TSGA10: variants seen among roughly 807,000 people sequenced by gnomAD.
TSGA10 encodes the protein testis-specific gene 10 protein.
In TSGA10, 43 loss-of-function variants were observed where a neutral mutation model predicts 96.6. That is an observed-to-expected ratio of 0.44 (90% CI 0.35 to 0.57). The LOEUF (loss-of-function observed/expected upper bound fraction) is 0.57, where lower values mean the gene tolerates loss of function less well. TSGA10 is among the 20% of genes least tolerant of loss of function. The pLI, the probability that TSGA10 is intolerant of heterozygous loss-of-function variation, is 0.01. For missense variants in TSGA10, 703 were observed against 834.4 expected, an observed-to-expected ratio of 0.84 and a Z score of 1.94; for synonymous variants, 229 against 269.9, an observed-to-expected ratio of 0.85 and a Z score of 1.48.
chr2:99,131,615 T>C (rs1311727293), intron 1 of TSGA10, among the ~76,000 whole-genome samples: 1 of 152,198 alleles, frequency 6.6e-6, no homozygotes, highest in Non-Finnish European at 1.5e-5. Context: ...CCTTATTTCT[T>C]TCTCTTGCCT....
chr2:99,116,453 A>C (rs999382686), intron 4 of TSGA10, among the ~76,000 whole-genome samples: 10 of 152,080 alleles, frequency 6.6e-5, no homozygotes, highest in African/African-American at 2.4e-4. Context: ...CAATGAAAAC[A>C]AATAGTCCAG....
At chr2:99,141,730 A>G (rs1356049507) in intron 1 of TSGA10, 1 of 152,872 alleles carries the variant, frequency 6.5e-6, no homozygotes, top group African/African-American at 2.4e-5. Flanking sequence ...GCCTTCCCTC[A>G]GCTTGAAACA....
intron 20 of TSGA10, among the ~76,000 whole-genome samples, chr2:99,012,824 C>T (rs749368073): frequency 1.2e-4 from 18 of 152,218 alleles, no homozygotes; most frequent in South Asian, 2.1e-4. Flanking sequence ...CTAGAACAAA[C>T]GGACTTAACA....
In TSGA10 at chr2:99,019,942, C is replaced by A. The variant is rs181122583; in HGVS notation, c.1817+338G>T. Among the ~76,000 whole-genome samples the A allele has an allele frequency of 2.2e-3, 341 of 152,220 alleles. 1 individual carries two copies. The highest frequency in any genetic ancestry group is 7.2e-3 in the African/African-American group (301 of 41,542). On this transcript the variant is annotated intron_variant, in intron 18 of 20. Coordinates refer to ENST00000393483, the MANE Select transcript of TSGA10 (RefSeq NM_025244.4). ...AAATATGATGTGGCAAATGCAAACA[C>A]TAGGTTGCAATATATTGGTCTAAAT...
chr2:99,011,016 T>C (rs1412749906), intron 20 of TSGA10, among the ~76,000 whole-genome samples: 2 of 152,254 alleles, frequency 1.3e-5, no homozygotes, highest in South Asian at 2.1e-4. Flanking sequence ...CATAAGCCCA[T>C]TGGCCTGAGA....
chr2:99,059,795 T>G (rs1374889163), intron 16 of TSGA10, among the ~76,000 whole-genome samples: 1 of 151,038 alleles, frequency 6.6e-6, no homozygotes, highest in Non-Finnish European at 1.5e-5. Flanking sequence ...GCTCCTGTAT[T>G]CCCAGCTACT....
chr2:99,098,287 A>T (rs1236491839), intron 10 of TSGA10, among the ~76,000 whole-genome samples: 1 of 151,608 alleles, frequency 6.6e-6, no homozygotes, highest in Non-Finnish European at 1.5e-5. Context: ...AATACAAAAA[A>T]AATTAGCCAG....
intron 16 of TSGA10, among the ~76,000 whole-genome samples, chr2:99,040,468 T>G (rs558360756): frequency 6.6e-6 from 1 of 151,946 alleles, no homozygotes; most frequent in Non-Finnish European, 1.5e-5. Context: ...AGTGACCAAG[T>G]TGAGAATCAA....
chr2:99,125,198 C>T (rs938131188), intron 2 of TSGA10: 7 of 152,128 alleles, frequency 4.6e-5, no homozygotes, highest in East Asian at 1.9e-4. Flanking sequence ...TTCATGGCTA[C>T]GTAGCTCATT....
chr2:99,147,541 C>T (rs1208843837), intron 1 of TSGA10: 1 of 1,536,062 alleles, frequency 6.5e-7, no homozygotes, highest in African/African-American at 1.4e-5. Context: ...GGTTCCTCCT[C>T]AGTCCTTTTA....
chr2:99,002,322 G>A (rs927468010), intron 20 of TSGA10, among the ~76,000 whole-genome samples: 8 of 152,170 alleles, frequency 5.3e-5, no homozygotes, highest in African/African-American at 1.9e-4. Context: ...GACAGTGGGG[G>A]CCAATATTCA....
At chr2:99,113,697 C>T (rs139781095) in intron 4 of TSGA10, among the ~76,000 whole-genome samples, 1 of 152,158 alleles carries the variant, frequency 6.6e-6, no homozygotes, top group Non-Finnish European at 1.5e-5. Context: ...AGGTGCCCAC[C>T]ACCATGCCCA....
chr2:99,076,164 G>A (rs549161554), intron 12 of TSGA10, among the ~76,000 whole-genome samples: 1 of 152,234 alleles, frequency 6.6e-6, no homozygotes, highest in Admixed American at 6.5e-5. Context: ...TTCTAAGCCT[G>A]TTCTAGTTCC....
intron 16 of TSGA10, among the ~76,000 whole-genome samples, chr2:99,054,210 G>A (rs1447569960): frequency 2.0e-5 from 3 of 152,114 alleles, no homozygotes; most frequent in African/African-American, 7.2e-5. Flanking sequence ...AGACAGCCCA[G>A]AAATAAATCC....
Position 99,109,001 on chromosome 2 carries a change from T to C in TSGA10, c.52-10A>G, listed in dbSNP as rs777381914. ...CATCACAGTTTGCACCCTATAATTATATAAGGAATTTGAAATCTTCTTTGA... is the reference window on the plus strand; with the variant it reads ...CATCACAGTTTGCACCCTATAATTACATAAGGAATTTGAAATCTTCTTTGA... On this transcript the variant is annotated splice_polypyrimidine_tract_variant and intron_variant, in intron 6 of 20. Transcript: ENST00000393483. 8 of 1,492,964 alleles carry C rather than the reference T, an allele frequency of 5.4e-6. No homozygotes were observed. The highest frequency in any genetic ancestry group is 1.3e-5 in the South Asian group (1 of 75,688). The allele number at this position is 1,492,964 out of a possible 1,614,324, so 92.5% of individuals were successfully genotyped here. A position where few individuals can be genotyped will look rare whatever the true frequency, so the allele number is the denominator to read the frequency against.
intron 20 of TSGA10, among the ~76,000 whole-genome samples, chr2:99,011,980 C>T (rs572446465): frequency 7.2e-5 from 11 of 152,306 alleles, no homozygotes; most frequent in African/African-American, 2.2e-4. Flanking sequence ...ATCACATTAA[C>T]ACCAGATTTC....
rs2077603602 is a variant in TSGA10, at chr2:98,998,210, T to C, written c.2084A>G (p.Tyr695Cys). 1 of 1,600,230 alleles carries C rather than the reference T, an allele frequency of 6.2e-7. No homozygotes were observed. The highest frequency in any genetic ancestry group is 8.5e-7 in the Non-Finnish European group (1 of 1,175,062). Residue 695 changes from tyrosine to cysteine, a missense_variant, in exon 21 of 21, where the codon TAC (tyrosine) becomes TGC (cysteine). Tyr to Cys is a radical substitution (Grantham distance 194). This residue lies in a region of TSGA10 where 69 missense variants were observed against 81.3 expected (regional missense o/e 0.85). Transcript: ENST00000393483. ...LDRSLEENLC[Y>C]RDF ...TCATTTCAGGTGTCAGAAATCTCTG[T>C]AGCAAAGATTCCTATAAGAGAAAAA... is the stretch of plus-strand genomic sequence containing the variant.
chr2:99,045,513 C>T (rs1482395112), intron 16 of TSGA10, among the ~76,000 whole-genome samples: 2 of 152,176 alleles, frequency 1.3e-5, no homozygotes, highest in East Asian at 3.8e-4. Flanking sequence ...AAATAAAATG[C>T]TTTAAAGACA....
chr2:99,046,165 G>A (rs987984509), intron 16 of TSGA10, among the ~76,000 whole-genome samples: 19 of 152,066 alleles, frequency 1.2e-4, no homozygotes, highest in Middle Eastern at 3.2e-3. Context: ...ACAGATCAGC[G>A]AGACAGAAAG....
Sources: gnomAD v4.1 joint callset for allele counts (sites outside exome capture counted in the v4.1 genomes callset) on GRCh38, gnomAD v4.1.1 for gene constraint, gnomAD v4.1.1 regional missense constraint, MANE v1.5 for transcripts, NCBI Gene and HGNC (gene_info 2026-07-23, HGNC 2026-07-21) for gene names.